Variants in AP1M1 observed in about 807,000 individuals in gnomAD.
The protein encoded by AP1M1 is adaptor related protein complex 1 subunit mu 1, also known as AP-1 complex subunit mu-1.
In AP1M1, 18 loss-of-function variants were observed where a neutral mutation model predicts 57.1. That is an observed-to-expected ratio of 0.32 (90% confidence interval 0.22 to 0.47). The LOEUF (loss-of-function observed/expected upper bound fraction) is 0.47, where lower values mean the gene tolerates loss of function less well. Ranked by LOEUF, AP1M1 falls within the 20% of genes least tolerant of loss-of-function variation. The probability of loss-of-function intolerance (pLI) is 1.00; values close to 1 mark genes in which losing one functional copy is unlikely to be tolerated. For missense variants in AP1M1, 362 were observed against 593.5 expected (o/e 0.61, Z 4.05); for synonymous variants, 241 against 237.9 (o/e 1.01, Z -0.12).
At chr19:16,212,427 C>T (rs1034389391) in intron 5 of AP1M1, among the ~76,000 whole-genome samples, 8 of 152,270 alleles carry the variant, frequency 5.3e-5, no homozygotes, top group African/African-American at 1.4e-4. Context: ...ATTTGTAGTT[C>T]TGTGGGGTCA....
chr19:16,233,235 T>G (rs2091606801), intron 9 of AP1M1, among the ~76,000 whole-genome samples: 1 of 152,186 alleles, frequency 6.6e-6, no homozygotes. Flanking sequence ...GCTTGGTGAC[T>G]GGGGCTGGCA....
intron 5 of AP1M1, among the ~76,000 whole-genome samples, chr19:16,221,534 G>T (rs2091544371): frequency 6.6e-6 from 1 of 152,108 alleles, no homozygotes; most frequent in Non-Finnish European, 1.5e-5. Context: ...TAAAGGCAAG[G>T]GAGAACAAAG....
At chr19:16,202,635 T>C (rs193143789) in intron 1 of AP1M1, among the ~76,000 whole-genome samples, 6 of 152,366 alleles carry the variant, frequency 3.9e-5, no homozygotes, top group African/African-American at 1.4e-4. Context: ...AGCACAGTGA[T>C]TCTGATGCGC....
chr19:16,227,464 G>A lies in AP1M1; in HGVS notation c.674-84G>A, dbSNP rs958357436. The A allele has an allele frequency of 1.7e-5, 26 of 1,508,026 alleles. No homozygotes were observed. Among genetic ancestry groups the A allele is most frequent in the South Asian group, 6.0e-5 (5 of 83,370 alleles). The allele number at this position is 1,508,026 out of a possible 1,614,324, so 93.4% of individuals were successfully genotyped here. A position where few individuals can be genotyped will look rare whatever the true frequency, so the allele number is the denominator to read the frequency against. ...CGTGGACTGGGGGCCCTGCTCTGCC[G>A]GGGTGGGTTGCAGGTGGTAGGAGTA... On this transcript the variant is annotated intron_variant, in intron 6 of 11. Coordinates refer to ENST00000291439, the MANE Select transcript of AP1M1 (RefSeq NM_032493.4). This position sits in a 1 kb window ranked among gnomAD's most constrained non-coding sequence, Gnocchi z 6.2.
chr19:16,205,559 C>T (rs1287464522), intron 2 of AP1M1, among the ~76,000 whole-genome samples: 1 of 152,112 alleles, frequency 6.6e-6, no homozygotes, highest in Non-Finnish European at 1.5e-5. Flanking sequence ...TCCTAGAGCT[C>T]ACTCCTGGGC....
intron 5 of AP1M1, among the ~76,000 whole-genome samples, chr19:16,217,027 G>A (rs952000458): frequency 9.9e-5 from 15 of 152,206 alleles, no homozygotes; most frequent in African/African-American, 2.9e-4. Flanking sequence ...GTGGCAGTAT[G>A]GCTGGGGTGG....
chr19:16,224,724 C>T (rs991843483), intron 5 of AP1M1, among the ~76,000 whole-genome samples: 14 of 152,328 alleles, frequency 9.2e-5, no homozygotes, highest in Middle Eastern at 3.4e-3. Context: ...GCTGCCAGGG[C>T]CAGTCCCAAC....
At chr19:16,218,844 T>A (rs2091529993) in intron 5 of AP1M1, among the ~76,000 whole-genome samples, 1 of 152,332 alleles carries the variant, frequency 6.6e-6, no homozygotes, top group East Asian at 1.9e-4. Context: ...TTCAGCTCTC[T>A]GGAAGCTTCT....
At chr19:16,218,580 G>A (rs111396823) in intron 5 of AP1M1, among the ~76,000 whole-genome samples, 5 of 152,068 alleles carry the variant, frequency 3.3e-5, no homozygotes, top group African/African-American at 1.2e-4. Context: ...TCACTCTCAG[G>A]GCCTTCCCAC....
At position 16,237,783 on chromosome 19, in the gene AP1M1, T is replaced by C. The variant is rs1021445610; in HGVS notation, c.*3348T>C. On this transcript the variant is annotated 3_prime_UTR_variant, in exon 12 of 12. Coordinates refer to ENST00000291439, the MANE Select transcript of AP1M1 (RefSeq NM_032493.4). Reference sequence around the variant, plus strand: ...TTCAACCATGTAGCTATTCAGGAAATATGTACACATAAACCAAGACCACAG... The same window carrying C: ...TTCAACCATGTAGCTATTCAGGAAACATGTACACATAAACCAAGACCACAG... 6.6e-6 allele frequency: 1 copy of C among 151,604 alleles called. No individual in the cohort carries two copies. The highest frequency in any genetic ancestry group is 2.4e-5 in the African/African-American group (1 of 41,248). The allele number at this position is 151,604 out of a possible 1,614,324, so 9.4% of individuals were successfully genotyped here.
intron 1 of AP1M1, 43 bp downstream of exon 1, chr19:16,198,111 A>T: frequency 1.3e-6 from 2 of 1,587,508 alleles, no homozygotes; most frequent in Non-Finnish European, 1.7e-6. Context: ...GGCAACCGGC[A>T]GGGGCCTCCG....
In AP1M1 at chr19:16,239,257, T is replaced by C. The variant is rs1378472599; in HGVS notation, c.*4822T>C. ...CAGTTCTCTTTTTTTTTTTTTTTTT[T>C]TTTTTTTTTTTTTTTTTTTTTTAAG... On this transcript the variant is annotated 3_prime_UTR_variant, in exon 12 of 12. Transcript: ENST00000291439. 5 of 112,314 alleles carry C rather than the reference T, an allele frequency of 4.5e-5. No homozygotes were observed. Among genetic ancestry groups the C allele is most frequent in the African/African-American group, 1.8e-4 (5 of 28,346 alleles). 7.0% of individuals were successfully genotyped at this position (112,314 alleles called of 1,614,324 possible). A position where few individuals can be genotyped will look rare whatever the true frequency, so the allele number is the denominator to read the frequency against.
At chr19:16,215,661 TGAAGTA>T (rs2091516403) in intron 5 of AP1M1, among the ~76,000 whole-genome samples, 1 of 151,892 alleles carries the variant, frequency 6.6e-6, no homozygotes, top group Non-Finnish European at 1.5e-5. Flanking sequence ...GATGATCTTG[TGAAGTA>T]TTTTGCAGGG....
chr19:16,225,690 G>A (rs908643945), intron 5 of AP1M1, among the ~76,000 whole-genome samples: 4 of 152,200 alleles, frequency 2.6e-5, no homozygotes, highest in Admixed American at 1.3e-4. Flanking sequence ...AATGCCTGGC[G>A]CAGTGGAAAT....
At chr19:16,229,506 G>A (rs1168514237) in intron 9 of AP1M1, among the ~76,000 whole-genome samples, 1 of 152,212 alleles carries the variant, frequency 6.6e-6, no homozygotes, top group Admixed American at 6.5e-5. Flanking sequence ...CATGGCTCTG[G>A]AGCTGAGCCG....
intron 1 of AP1M1, among the ~76,000 whole-genome samples, chr19:16,200,999 C>G (rs2091444536): frequency 6.6e-6 from 1 of 152,170 alleles, no homozygotes; most frequent in Non-Finnish European, 1.5e-5. Flanking sequence ...CTAGTGGCCT[C>G]TGAGACACCA....
In AP1M1 at chr19:16,206,040, T is replaced by G. The variant is rs1170795098; in HGVS notation, c.200-301T>G. Among the ~76,000 whole-genome samples, 1 of 152,088 alleles carries G rather than the reference T, an allele frequency of 6.6e-6. No homozygotes were observed. The highest frequency in any genetic ancestry group is 1.9e-4 in the East Asian group (1 of 5,172). On this transcript the variant is annotated intron_variant, in intron 2 of 11. Transcript: ENST00000291439. The surrounding 1 kb of genome is among the most constrained non-coding windows in gnomAD (Gnocchi z 4.3). ...GGAATGAGCCTCACTCCCTCCCTGC[T>G]CAAGGCAGCCCTTCACCCAGCCGCC...
chr19:16,208,858 C>A, intron 4 of AP1M1, 172 bp from the exon 5 acceptor site: 1 of 683,268 alleles, frequency 1.5e-6, no homozygotes, highest in South Asian at 2.1e-5. Context: ...TGAAGCAGCC[C>A]CAGGTGAACC....
At position 16,240,981 on chromosome 19, in the gene AP1M1, T is replaced by A. The variant is rs1447364677; in HGVS notation, c.*6546T>A. The A allele has an allele frequency of 6.6e-6, 1 of 152,164 alleles. No homozygotes were observed. The highest frequency in any genetic ancestry group is 2.4e-5 in the African/African-American group (1 of 41,442). The allele number at this position is 152,164 out of a possible 1,614,324, so 9.4% of individuals were successfully genotyped here. On this transcript the variant is annotated 3_prime_UTR_variant, in exon 12 of 12. Transcript: ENST00000291439. ...CCGAAGATAGAGCATGGCTTCAAAT[T>A]ACTGAGAGAAGTGCAGTCTAGAATT... is the stretch of plus-strand genomic sequence containing the variant.
Sources: allele counts gnomAD v4.1 joint callset (sites outside exome capture counted in the v4.1 genomes callset), GRCh38; gene constraint gnomAD v4.1.1; non-coding constraint Gnocchi (gnomAD v3.1); transcripts MANE v1.5; gene names NCBI Gene and HGNC (gene_info 2026-07-23, HGNC 2026-07-21).